ATP10B: variants seen among roughly 807,000 people sequenced by gnomAD.
ATP10B encodes the protein phospholipid-transporting ATPase VB.
Under a neutral mutation model 141.2 loss-of-function variants are expected in ATP10B, and 122 were observed. The observed-to-expected ratio is 0.86, with a 90% CI of 0.75 to 1.00. ATP10B has a LOEUF of 1.00. Among genes scored for constraint, ATP10B ranks in the 50% least tolerant of loss-of-function variants. The probability of loss-of-function intolerance (pLI) is 0.00; values close to 1 mark genes in which losing one functional copy is unlikely to be tolerated. For synonymous variants in ATP10B, 685 were observed against 692.0 expected (o/e 0.99, Z 0.16); for missense variants, 1,876 against 1,825.3 (o/e 1.03, Z -0.51).
chr5:160,690,291 C>T (rs941905179), intron 3 of ATP10B, among the ~76,000 whole-genome samples: 1 of 152,160 alleles, frequency 6.6e-6, no homozygotes, highest in African/African-American at 2.4e-5. Flanking sequence ...AGGACATAGG[C>T]ATGGGCAAAG....
At chr5:160,647,478 G>A (rs138556397) in intron 8 of ATP10B, among the ~76,000 whole-genome samples, 3 of 152,338 alleles carry the variant, frequency 2.0e-5, no homozygotes, top group East Asian at 1.9e-4. Context: ...AGGAAGAGGA[G>A]GTGCTGGGGG....
chr5:160,821,996 C>A, intron 1 of ATP10B, among the ~76,000 whole-genome samples: 1 of 151,906 alleles, frequency 6.6e-6, no homozygotes, highest in Non-Finnish European at 1.5e-5. Flanking sequence ...ACAACCAAAG[C>A]AAAAATGGAC....
intron 16 of ATP10B, among the ~76,000 whole-genome samples, chr5:160,616,928 A>G (rs1281379634): frequency 6.6e-6 from 1 of 152,256 alleles, no homozygotes; most frequent in African/African-American, 2.4e-5. Flanking sequence ...GTTAATCTCC[A>G]TGACAACTGC....
chr5:160,766,487 C>T (rs369720131), intron 2 of ATP10B, among the ~76,000 whole-genome samples: 2 of 152,066 alleles, frequency 1.3e-5, no homozygotes, highest in South Asian at 2.1e-4. Context: ...GTAGGTAACT[C>T]GGTAATGGAA....
Position 160,693,446 on chromosome 5 carries a change from A to ACACACACACC in ATP10B, c.-204-4504_-204-4503insGGTGTGTGTG, listed in dbSNP as rs1764192371. Among the ~76,000 whole-genome samples the ACACACACACC allele has an allele frequency of 4.7e-5, 7 of 147,478 alleles. No individual in the cohort carries two copies. The South Asian group carries it at 1.5e-3, about 31-fold the overall frequency. On this transcript the variant is annotated intron_variant, in intron 3 of 25. Coordinates refer to ENST00000327245, the MANE Select transcript of ATP10B (RefSeq NM_025153.3). ...CACACACACACACACACACACACACACACACACACAGTGGTATAGTCAGGG... is the reference window on the plus strand; with the variant it reads ...CACACACACACACACACACACACACACACACACACCCACACACACAGTGGTATAGTCAGGG...
chr5:160,577,549 C>T (rs1031515231), intron 24 of ATP10B, among the ~76,000 whole-genome samples: 4 of 152,162 alleles, frequency 2.6e-5, no homozygotes, highest in Non-Finnish European at 4.4e-5. Context: ...GGCTGGAGAG[C>T]ACCGCGTCCT....
intron 19 of ATP10B, among the ~76,000 whole-genome samples, chr5:160,605,476 G>T (rs1165631512): frequency 1.3e-5 from 2 of 152,124 alleles, no homozygotes; most frequent in Admixed American, 6.5e-5. Flanking sequence ...TGTTGCTATG[G>T]GAGTGAAGCC....
At chr5:160,882,845 C>G in the ATP10B span, among the ~76,000 whole-genome samples, 2 of 152,008 alleles carry the variant, frequency 1.3e-5, no homozygotes, top group African/African-American at 4.8e-5. Flanking sequence ...AACTAAGCCA[C>G]CAAATGAAGC....
At chr5:160,902,343 C>G in the ATP10B span, among the ~76,000 whole-genome samples, 1 of 152,110 alleles carries the variant, frequency 6.6e-6, no homozygotes, top group Non-Finnish European at 1.5e-5. Flanking sequence ...GGCTTGGAAC[C>G]CTATTTTCTA....
At chr5:160,595,310 GAAGGCAGAAATA>G (rs1256954031) in intron 22 of ATP10B, among the ~76,000 whole-genome samples, 1 of 151,926 alleles carries the variant, frequency 6.6e-6, no homozygotes, top group East Asian at 1.9e-4. Flanking sequence ...ATAACGAAAT[GAAGGCAGAAATA>G]AAGATGTTCT....
chr5:160,780,132 T>C (rs1165348493), intron 2 of ATP10B, among the ~76,000 whole-genome samples: 1 of 152,202 alleles, frequency 6.6e-6, no homozygotes, highest in Non-Finnish European at 1.5e-5. Flanking sequence ...TTTGAATGTA[T>C]ACAAAATATA....
chr5:160,870,173 GA>G, the ATP10B span, among the ~76,000 whole-genome samples: 1 of 152,056 alleles, frequency 6.6e-6, no homozygotes, highest in East Asian at 1.9e-4. Context: ...CATGCAAGGG[GA>G]AAGAAAGTAA....
intron 3 of ATP10B, among the ~76,000 whole-genome samples, chr5:160,707,315 C>T (rs1464978464): frequency 6.6e-6 from 1 of 152,230 alleles, no homozygotes; most frequent in Non-Finnish European, 1.5e-5. Flanking sequence ...TCTTCTGACT[C>T]TTCCACTACA....
At chr5:160,874,753 C>A in the ATP10B span, among the ~76,000 whole-genome samples, 3 of 151,562 alleles carry the variant, frequency 2.0e-5, no homozygotes, top group African/African-American at 4.9e-5. Context: ...GCCTCAGGAG[C>A]CGATGCGATC....
chr5:160,775,339 A>T (rs1042435383), intron 2 of ATP10B, among the ~76,000 whole-genome samples: 1 of 152,052 alleles, frequency 6.6e-6, no homozygotes, highest in Non-Finnish European at 1.5e-5. Flanking sequence ...AGATTTAGTC[A>T]AAGTCCCACT....
intron 2 of ATP10B, among the ~76,000 whole-genome samples, chr5:160,770,570 C>A (rs533038131): frequency 1.4e-4 from 21 of 152,230 alleles, no homozygotes; most frequent in Admixed American, 5.2e-4. Flanking sequence ...CCCTAAGGAA[C>A]ACTCTTCTTC....
chr5:160,835,826 T>C (rs1423517153), intron 1 of ATP10B, among the ~76,000 whole-genome samples: 1 of 152,162 alleles, frequency 6.6e-6, no homozygotes, highest in Non-Finnish European at 1.5e-5. Flanking sequence ...TTTTCTGCCC[T>C]CTGATTGGTA....
At chr5:160,760,367 C>A (rs936534694) in intron 2 of ATP10B, among the ~76,000 whole-genome samples, 1 of 152,120 alleles carries the variant, frequency 6.6e-6, no homozygotes, top group African/African-American at 2.4e-5. Flanking sequence ...GTATAGTCTG[C>A]ATACACAATA....
chr5:160,814,871 T>A lies in ATP10B; in HGVS notation c.-575-29068A>T, dbSNP rs187354344. Among the ~76,000 whole-genome samples the A allele has an allele frequency of 1.6e-3, 238 of 152,290 alleles. 1 individual carries two copies. Among genetic ancestry groups the A allele is most frequent in the South Asian group, 3.3e-3 (16 of 4,830 alleles). On this transcript the variant is annotated intron_variant, in intron 1 of 25. Coordinates refer to ENST00000327245, the MANE Select transcript of ATP10B (RefSeq NM_025153.3). The stretch of plus-strand genomic sequence containing the variant: ...AAAGATTTTTTAACCCAGAATTTCA[T>A]ATCCAGCCAAACTAAGCTTCATAAA...
Sources: gnomAD v4.1 joint callset for allele counts (sites outside exome capture counted in the v4.1 genomes callset) on GRCh38, gnomAD v4.1.1 for gene constraint, MANE v1.5 for transcripts, NCBI Gene and HGNC (gene_info 2026-07-23, HGNC 2026-07-21) for gene names.